The following B4GALT6 variants were observed in gnomAD, a reference collection of about 807,000 sequenced individuals.
B4GALT6 encodes UDP-Gal:beta-GlcNAc beta-1,4-galactosyltransferase 6.
A neutral mutation model predicts 46.3 loss-of-function variants in B4GALT6; 14 were observed. That is an observed-to-expected ratio of 0.30 (90% CI 0.20 to 0.47). The LOEUF (loss-of-function observed/expected upper bound fraction) is 0.47, where lower values mean the gene tolerates loss of function less well. B4GALT6 is among the 20% of genes least tolerant of loss of function. The probability of loss-of-function intolerance (pLI) is 0.99; values close to 1 mark genes in which losing one functional copy is unlikely to be tolerated. For missense variants in B4GALT6, 386 were observed against 480.1 expected (o/e 0.80, Z 1.83); for synonymous variants, 168 against 162.0 (o/e 1.04, Z -0.28).
the B4GALT6 span, among the ~76,000 whole-genome samples, chr18:31,719,443 G>T: frequency 6.6e-6 from 1 of 152,198 alleles, no homozygotes. Flanking sequence ...CTTGGGGCTA[G>T]TTGTTTTCTT....
chr18:31,674,292 T>C (rs2074391022), intron 1 of B4GALT6, among the ~76,000 whole-genome samples: 1 of 151,920 alleles, frequency 6.6e-6, no homozygotes, highest in Non-Finnish European at 1.5e-5. Flanking sequence ...GGGGAAGGGA[T>C]TTGGAAGAAA....
At chr18:31,639,939 T>C (rs981590205) in intron 4 of B4GALT6, among the ~76,000 whole-genome samples, 1 of 152,306 alleles carries the variant, frequency 6.6e-6, no homozygotes, top group Non-Finnish European at 1.5e-5. Context: ...AATTTAGATT[T>C]TGCCCTTGAA....
At chr18:31,676,436 C>CT (rs2074416222) in intron 1 of B4GALT6, among the ~76,000 whole-genome samples, 1 of 152,086 alleles carries the variant, frequency 6.6e-6, no homozygotes, top group Non-Finnish European at 1.5e-5. Context: ...TTTTATTGAT[C>CT]TTAAGTAAAT....
rs143940805 is a variant in B4GALT6, at chr18:31,664,898, T to G, written c.232+1358A>C. On this transcript the variant is annotated intron_variant, in intron 2 of 8. Transcript: ENST00000306851. ...TAAAACATCAACTATGCTGAGGCAG[T>G]TCTTCTAAAAAAATTCCTTCAAGGT... Among the ~76,000 whole-genome samples, 436 of 152,348 alleles carry G rather than the reference T, an allele frequency of 2.9e-3. 1 individual carries two copies. Among genetic ancestry groups the G allele is most frequent in the Middle Eastern group, 0.017 (5 of 294 alleles).
intron 4 of B4GALT6, among the ~76,000 whole-genome samples, chr18:31,639,457 C>T (rs865822546): frequency 3.0e-4 from 45 of 152,194 alleles, no homozygotes; most frequent in African/African-American, 9.9e-4. Context: ...CCATAGCATA[C>T]AAAAAACCTC....
chr18:31,625,276 T>C lies in B4GALT6; in HGVS notation c.*338A>G, dbSNP rs975948843. The C allele has an allele frequency of 1.4e-5, 3 of 219,076 alleles. No individual in the cohort carries two copies. Among genetic ancestry groups the C allele is most frequent in the African/African-American group, 2.3e-5 (1 of 43,300 alleles). 13.6% of individuals were successfully genotyped at this position (219,076 alleles called of 1,614,324 possible). ...CACACATTAATTTATATCACATATA[T>C]ACAAAATATGTTTAAACGGAAATAA... On this transcript the variant is annotated 3_prime_UTR_variant, in exon 9 of 9. Transcript: ENST00000306851.
intron 4 of B4GALT6, among the ~76,000 whole-genome samples, chr18:31,643,600 T>C (rs2073956438): frequency 6.6e-6 from 1 of 152,192 alleles, no homozygotes; most frequent in African/African-American, 2.4e-5. Flanking sequence ...ATCCCTGAAT[T>C]AGTTTGTTCC....
At chr18:31,689,897 G>C (rs1218385360), upstream of B4GALT6, among the ~76,000 whole-genome samples, 1 of 152,130 alleles carries the variant, frequency 6.6e-6, no homozygotes, top group Non-Finnish European at 1.5e-5. Context: ...CTCAACCCTA[G>C]AGAGAAAGTT....
the B4GALT6 span, among the ~76,000 whole-genome samples, chr18:31,699,224 A>G: frequency 6.6e-6 from 1 of 150,702 alleles, no homozygotes; most frequent in Non-Finnish European, 1.5e-5. Context: ...TTTTATACCC[A>G]CACATATCGT....
upstream of B4GALT6, among the ~76,000 whole-genome samples, chr18:31,690,659 C>G (rs55705955): frequency 6.6e-6 from 1 of 151,578 alleles, no homozygotes; most frequent in Non-Finnish European, 1.5e-5. Context: ...TTAGTAGAGA[C>G]GGGGTTTCAC....
chr18:31,652,838 T>C (rs1293078287), intron 3 of B4GALT6, among the ~76,000 whole-genome samples: 2 of 152,202 alleles, frequency 1.3e-5, no homozygotes, highest in Non-Finnish European at 2.9e-5. Context: ...GCCCGTCGGC[T>C]TCCTGCAGCA....
the B4GALT6 span, among the ~76,000 whole-genome samples, chr18:31,714,508 C>T: frequency 6.6e-6 from 1 of 152,188 alleles, no homozygotes. Flanking sequence ...CAAAGTGTGT[C>T]TTTAGCATTT....
the B4GALT6 span, among the ~76,000 whole-genome samples, chr18:31,722,278 G>T: frequency 2.6e-5 from 4 of 151,746 alleles, no homozygotes; most frequent in African/African-American, 9.7e-5. Context: ...AAGGAGCAAG[G>T]GTATTGTATA....
At position 31,684,357 on chromosome 18, in the gene B4GALT6, G is replaced by A. The variant is rs943158474; in HGVS notation, c.70C>T (p.Leu24Phe). The change falls in exon 1 of 9, where the codon CTC becomes TTC. Residue 24 changes from leucine (L) to phenylalanine (F), a missense_variant. Around this residue, in one of 2 missense-constraint regions of B4GALT6, gnomAD observed 63 missense variants for 41.3 expected, o/e 1.53. Coordinates refer to ENST00000306851, the MANE Select transcript of B4GALT6 (RefSeq NM_004775.5). Reference protein sequence around the residue: ...SLLAFIFFFSLSSSCLYFIYV... With the variant: ...SLLAFIFFFSFSSSCLYFIYV... ...ATGAAGTACAGACAGGACGAAGAGA[G>A]GGAGAAGAAGAAGATGAAGGCGAGG... is the stretch of plus-strand genomic sequence containing the variant. 5 of 1,613,758 alleles carry A rather than the reference G, an allele frequency of 3.1e-6. No individual in the cohort carries two copies. The highest frequency in any genetic ancestry group is 4.2e-6 in the Non-Finnish European group (5 of 1,179,932).
the B4GALT6 span, among the ~76,000 whole-genome samples, chr18:31,696,500 C>T: frequency 2.0e-5 from 3 of 151,970 alleles, no homozygotes; most frequent in Non-Finnish European, 4.4e-5. Flanking sequence ...TATTGATAAT[C>T]TTCAAATTTT....
intron 5 of B4GALT6, among the ~76,000 whole-genome samples, chr18:31,635,564 G>C (rs752852596): frequency 6.6e-6 from 1 of 151,986 alleles, no homozygotes. Flanking sequence ...CTGAGAGTGA[G>C]AAACAAAACA....
chr18:31,631,370 A>G (rs2073788868), intron 5 of B4GALT6, among the ~76,000 whole-genome samples: 1 of 151,950 alleles, frequency 6.6e-6, no homozygotes, highest in African/African-American at 2.4e-5. Context: ...ACTTTTTTCT[A>G]TTATTTTTCA....
At position 31,650,032 on chromosome 18, in the gene B4GALT6, C is replaced by A. The variant is rs1051455255; in HGVS notation, c.347-4553G>T. On this transcript the variant is annotated intron_variant, in intron 3 of 8. Transcript: ENST00000306851. ...AGCTCTGTGTCCAGACCCTGAACCA[C>A]AGTCACCTAGAAATGACTGGCTTTC... Among the ~76,000 whole-genome samples the A allele has an allele frequency of 2.0e-5, 3 of 152,056 alleles. No homozygotes were observed. The East Asian group carries it at 5.8e-4, about 29-fold the overall frequency.
chr18:31,670,182 T>C (rs1252204597), intron 1 of B4GALT6, among the ~76,000 whole-genome samples: 5 of 151,932 alleles, frequency 3.3e-5, no homozygotes, highest in African/African-American at 7.3e-5. Flanking sequence ...GTCTCACAAG[T>C]AGCTGGAACT....
Sources: allele counts gnomAD v4.1 joint callset (sites outside exome capture counted in the v4.1 genomes callset), GRCh38; gene constraint gnomAD v4.1.1; regional missense constraint gnomAD v4.1.1; transcripts MANE v1.5; gene names NCBI Gene and HGNC (gene_info 2026-07-23, HGNC 2026-07-21).